The following TRPM3 variants were observed in gnomAD, a reference collection of about 807,000 sequenced individuals.
TRPM3 encodes long transient receptor potential channel 3.
In TRPM3, 77 loss-of-function variants were observed where a neutral mutation model predicts 181.2. The ratio of observed to expected loss-of-function variants is 0.42; its 90% CI spans 0.35 to 0.51. The LOEUF is 0.51. Ranked by LOEUF, TRPM3 falls within the 20% of genes least tolerant of loss-of-function variation. The pLI, the probability that TRPM3 is intolerant of heterozygous loss-of-function variation, is 0.01. For synonymous variants in TRPM3, 745 were observed against 796.4 expected, an observed-to-expected ratio of 0.94 and a Z score of 1.09; for missense variants, 1,759 against 2,196.7, an observed-to-expected ratio of 0.80 and a Z score of 3.98.
chr9:71,281,485 C>A (rs980531031), intron 1 of TRPM3, among the ~76,000 whole-genome samples: 3 of 152,100 alleles, frequency 2.0e-5, no homozygotes, highest in Non-Finnish European at 4.4e-5. Flanking sequence ...ATTGCTGTCT[C>A]CCCAGGTACA....
At chr9:71,095,758 C>CAAAAAAAA (rs34934062) in intron 1 of TRPM3, among the ~76,000 whole-genome samples, 8 of 85,116 alleles carry the variant, frequency 9.4e-5, no homozygotes, top group Admixed American at 1.3e-4. Context: ...GACTCTGTGT[C>CAAAAAAAA]AAAAAAAAAA....
intron 1 of TRPM3, among the ~76,000 whole-genome samples, chr9:70,879,100 A>T (rs1397227643): frequency 1.3e-5 from 2 of 152,244 alleles, no homozygotes; most frequent in Admixed American, 6.5e-5. Context: ...TTTGCAGATA[A>T]GGACACTGAG....
At chr9:71,000,762 A>G (rs1364872916) in intron 1 of TRPM3, among the ~76,000 whole-genome samples, 1 of 152,220 alleles carries the variant, frequency 6.6e-6, no homozygotes, top group Non-Finnish European at 1.5e-5. Context: ...TAGTCTATAG[A>G]GCTGACACTG....
At chr9:71,156,376 GAC>G (rs71507025) in intron 1 of TRPM3, among the ~76,000 whole-genome samples, 3,554 of 138,392 alleles carry the variant, frequency 0.026, 56 homozygotes, top group Middle Eastern at 0.069. Flanking sequence ...ATATACTACA[GAC>G]ACACACACAC....
chr9:70,602,140 T>C (rs2060147377), intron 20 of TRPM3, among the ~76,000 whole-genome samples: 1 of 135,290 alleles, frequency 7.4e-6, no homozygotes, highest in Non-Finnish European at 1.6e-5. Context: ...CAGGCTCTTG[T>C]AAAATGAGAC....
intron 1 of TRPM3, among the ~76,000 whole-genome samples, chr9:70,885,086 C>T (rs1445648979): frequency 8.5e-5 from 13 of 152,174 alleles, no homozygotes; most frequent in Admixed American, 8.5e-4. Flanking sequence ...CTCTTCATCT[C>T]ACTCCAACTC....
At chr9:71,366,810 T>C (rs1362795431) in intron 1 of TRPM3, among the ~76,000 whole-genome samples, 3 of 152,094 alleles carry the variant, frequency 2.0e-5, no homozygotes, top group Non-Finnish European at 4.4e-5. Context: ...GATTATTATC[T>C]CTAATAGATA....
chr9:70,817,111 T>C (rs893193952), intron 6 of TRPM3, among the ~76,000 whole-genome samples: 1 of 152,226 alleles, frequency 6.6e-6, no homozygotes, highest in Non-Finnish European at 1.5e-5. Context: ...CAATATCTAG[T>C]CTTCCTTTCC....
At chr9:70,953,367 C>T (rs1463649612) in intron 1 of TRPM3, among the ~76,000 whole-genome samples, 2 of 152,084 alleles carry the variant, frequency 1.3e-5, no homozygotes, top group African/African-American at 4.8e-5. Flanking sequence ...GGGAAGATTA[C>T]TGTGGGTAAT....
At chr9:70,938,990 TAAAAA>T (rs147125886) in intron 1 of TRPM3, among the ~76,000 whole-genome samples, 1 of 147,994 alleles carries the variant, frequency 6.8e-6, no homozygotes, top group African/African-American at 2.5e-5. Context: ...AATAAAAAAA[TAAAAA>T]AAAAACATTC....
intron 1 of TRPM3, among the ~76,000 whole-genome samples, chr9:70,954,945 G>A (rs547170770): frequency 4.9e-4 from 74 of 151,934 alleles, no homozygotes; most frequent in African/African-American, 1.7e-3. Context: ...AGTGACAGAT[G>A]CCTATGGAAG....
intron 25 of TRPM3, among the ~76,000 whole-genome samples, chr9:70,545,110 TAAGTA>T (rs1390206145): frequency 6.6e-6 from 1 of 152,198 alleles, no homozygotes; most frequent in African/African-American, 2.4e-5. Context: ...CAAGAGGAGT[TAAGTA>T]AATTGCTCAA....
chr9:70,794,567 C>T (rs531490375), intron 6 of TRPM3, among the ~76,000 whole-genome samples: 6 of 152,272 alleles, frequency 3.9e-5, no homozygotes, highest in Admixed American at 2.0e-4. Context: ...CTCACTCTCT[C>T]GGAGGAGGCT....
intron 1 of TRPM3, among the ~76,000 whole-genome samples, chr9:71,435,929 G>A (rs2094026876): frequency 6.6e-6 from 1 of 152,190 alleles, no homozygotes; most frequent in Non-Finnish European, 1.5e-5. Context: ...CCAAAAAGAT[G>A]TAACTTTACT....
chr9:70,940,547 C>T (rs1307166303), intron 1 of TRPM3, among the ~76,000 whole-genome samples: 1 of 152,040 alleles, frequency 6.6e-6, no homozygotes, highest in Non-Finnish European at 1.5e-5. Context: ...CCTTATGGGG[C>T]TTACAGTATG....
intron 7 of TRPM3, 173 bp downstream of exon 7, chr9:70,783,932 A>G: frequency 7.3e-7 from 1 of 1,369,736 alleles, no homozygotes; most frequent in Non-Finnish European, 9.5e-7. Flanking sequence ...CATTTAGAAT[A>G]TGTTTCTCTG....
At chr9:70,766,429 G>A (rs2135374008) in intron 7 of TRPM3, among the ~76,000 whole-genome samples, 1 of 152,188 alleles carries the variant, frequency 6.6e-6, no homozygotes, top group Non-Finnish European at 1.5e-5. Flanking sequence ...TTTCAAGGAA[G>A]AGCCCTTCCT....
chr9:71,124,052 G>T (rs909620346), upstream of TRPM3, among the ~76,000 whole-genome samples: 1 of 152,040 alleles, frequency 6.6e-6, no homozygotes, highest in Admixed American at 6.6e-5. Context: ...CTCTCTAATG[G>T]CAATTAGAGG....
intron 1 of TRPM3, among the ~76,000 whole-genome samples, chr9:71,395,306 C>T (rs57030157): frequency 1.2e-4 from 19 of 152,332 alleles, no homozygotes; most frequent in African/African-American, 4.6e-4. Flanking sequence ...GATTTAACAG[C>T]TTCAGATATA....
Sources: gnomAD v4.1 joint callset for allele counts (sites outside exome capture counted in the v4.1 genomes callset) on GRCh38, gnomAD v4.1.1 for gene constraint, MANE v1.5 for transcripts, NCBI Gene and HGNC (gene_info 2026-07-23, HGNC 2026-07-21) for gene names.